AHDC1: variants seen among roughly 807,000 people sequenced by gnomAD.
AHDC1 encodes the protein transcription factor Gibbin.
AHDC1 carries 7 observed loss-of-function variants against 87.9 expected under a neutral mutation model. The ratio of observed to expected loss-of-function variants is 0.08; its 90% CI spans 0.05 to 0.15. AHDC1 has a LOEUF of 0.15. Among genes scored for constraint, AHDC1 ranks in the 10% least tolerant of loss-of-function variants. The pLI, the probability that AHDC1 is intolerant of heterozygous loss-of-function variation, is 1.00. For missense variants in AHDC1, 1,841 were observed against 2,253.2 expected (o/e 0.82, Z 3.70); for synonymous variants, 1,051 against 1,006.8 (o/e 1.04, Z -0.83).
chr1:27,603,055 G>A (rs1390448363), intron 3 of AHDC1, among the ~76,000 whole-genome samples: 3 of 149,616 alleles, frequency 2.0e-5, no homozygotes, highest in Non-Finnish European at 4.4e-5. Flanking sequence ...GCGGAGGGAG[G>A]GGGAAGGAGG....
chr1:27,584,405 T>A (rs1446315886), intron 3 of AHDC1, among the ~76,000 whole-genome samples: 2 of 152,244 alleles, frequency 1.3e-5, no homozygotes, highest in African/African-American at 4.8e-5. Context: ...AATGCCATTA[T>A]TATTTCCCCT....
Position 27,551,262 on chromosome 1 carries a change from G to A in AHDC1, c.854C>T (p.Pro285Leu), listed in dbSNP as rs748182642. The A allele has an allele frequency of 3.7e-6, 6 of 1,609,986 alleles. No homozygotes were observed. Among genetic ancestry groups the A allele is most frequent in the South Asian group, 1.1e-5 (1 of 91,060 alleles). Residue 285 changes from proline (P) to leucine (L), a missense_variant, in exon 8 of 9, where the codon CCG becomes CTG. Pro to Leu is a moderately conservative substitution (Grantham distance 98). Around this residue, in one of 13 missense-constraint regions of AHDC1, gnomAD observed 370 missense variants for 391.5 expected, o/e 0.95. Coordinates refer to ENST00000673934, the MANE Select transcript of AHDC1 (RefSeq NM_001371928.1). The stretch of plus-strand genomic sequence containing the variant: ...TTCCCCGAGCGGCTCTAGTGCCTGC[G>A]GGTCCAGGAAGCGGGGCTGGGGGTC... ...LLDPQPRFLD[P>L]QALEPLGEAL...
chr1:27,548,556 C>T lies in AHDC1; in HGVS notation c.3560G>A (p.Ser1187Asn), dbSNP rs1217023651. 1 of 1,613,492 alleles carries T rather than the reference C, an allele frequency of 6.2e-7. No homozygotes were observed. The highest frequency in any genetic ancestry group is 8.5e-7 in the Non-Finnish European group (1 of 1,180,024). ...VGGGGFRRANSEASSSEGQSS... is the reference protein window; with the variant it reads ...VGGGGFRRANNEASSSEGQSS... ...CTGGCCCTCACTACTTGAGGCCTCGCTGTTGGCACGCCGAAACCCCCCGCC... is the reference window on the plus strand; with the variant it reads ...CTGGCCCTCACTACTTGAGGCCTCGTTGTTGGCACGCCGAAACCCCCCGCC... The change falls in exon 8 of 9, where the codon AGC becomes AAC. Residue 1187 changes from serine (S) to asparagine (N), a missense_variant. Coordinates refer to ENST00000673934, the MANE Select transcript of AHDC1 (RefSeq NM_001371928.1).
rs2020181371 is a variant in AHDC1 at position 27,563,295 on chromosome 1, GAC to G, written c.-628-4414_-628-4413del. Among the ~76,000 whole-genome samples the G allele has an allele frequency of 1.4e-5, 2 of 148,016 alleles. No individual in the cohort carries two copies. Among genetic ancestry groups the G allele is most frequent in the African/African-American group, 5.0e-5 (2 of 39,878 alleles). On this transcript the variant is annotated intron_variant, in intron 3 of 8. Coordinates refer to ENST00000673934, the MANE Select transcript of AHDC1 (RefSeq NM_001371928.1). The surrounding 1 kb of genome is among the most constrained non-coding windows in gnomAD (Gnocchi z 6.1). ...AAGAACCTGTCACATAGTTGACCAA[GAC>G]ACACACACATGCACACACACACAGA...
chr1:27,559,232 T>C (rs1428804443), intron 3 of AHDC1, among the ~76,000 whole-genome samples: 1 of 151,684 alleles, frequency 6.6e-6, no homozygotes, highest in South Asian at 2.1e-4. Context: ...TTTTTTAAAT[T>C]TTTTGTAGGG....
intron 3 of AHDC1, among the ~76,000 whole-genome samples, chr1:27,577,531 G>T (rs1184479060): frequency 6.6e-6 from 1 of 152,140 alleles, no homozygotes; most frequent in African/African-American, 2.4e-5. Flanking sequence ...GGGGTGAGGG[G>T]AGATGGCATA....
At chr1:27,564,017 G>A (rs2020213660) in intron 3 of AHDC1, among the ~76,000 whole-genome samples, 1 of 152,176 alleles carries the variant, frequency 6.6e-6, no homozygotes, top group Non-Finnish European at 1.5e-5. Flanking sequence ...GTGCTCAGTG[G>A]GAAGAGTATG....
chr1:27,549,830 C>T lies in AHDC1; in HGVS notation c.2286G>A (p.Gly762=), dbSNP rs369232862. The T allele has an allele frequency of 1.2e-6, 2 of 1,613,500 alleles. No homozygotes were observed. The highest frequency in any genetic ancestry group is 1.1e-5 in the South Asian group (1 of 91,076). Residue 762 remains glycine, a synonymous_variant, in exon 8 of 9, where the codon GGG becomes GGA. Transcript: ENST00000673934. ...PEQVPSGPGF[G]EAGAEWAGDK... ...CCCCGGCCCACTCAGCACCTGCCTCCCCAAAGCCTGGGCCACTGGGCACCT... is the reference window on the plus strand; with the variant it reads ...CCCCGGCCCACTCAGCACCTGCCTCTCCAAAGCCTGGGCCACTGGGCACCT...
chr1:27,575,551 G>A (rs556540958), intron 3 of AHDC1, among the ~76,000 whole-genome samples: 1 of 151,298 alleles, frequency 6.6e-6, no homozygotes, highest in African/African-American at 2.4e-5. Context: ...TCGCTCCCCC[G>A]GCCGGCCGCG....
chr1:27,550,580 G>A lies in AHDC1; in HGVS notation c.1536C>T (p.Arg512=), dbSNP rs370692975. ...GCAGCGGGGTGGGCTCAGCCGACAC[G>A]CGCAGGCCCAGCTCCTTGCCCTCCA... ...LSVEGKELGL[R]VSAEPTPLLK... The change falls in exon 8 of 9, where the codon CGC becomes CGT. Residue 512 remains arginine (R), a synonymous_variant. Transcript: ENST00000673934. 6.6e-5 allele frequency: 107 copies of A among 1,613,756 alleles called. No individual in the cohort carries two copies. The African/African-American group carries it at 8.8e-4, about 13-fold the overall frequency.
intron 3 of AHDC1, among the ~76,000 whole-genome samples, chr1:27,596,602 C>T (rs1211977171): frequency 6.6e-6 from 1 of 152,184 alleles, no homozygotes; most frequent in East Asian, 1.9e-4. Context: ...GGCTCCCAGC[C>T]TCACACCTGA....
In AHDC1 at chr1:27,549,013, C is replaced by T. The variant is rs769230679; in HGVS notation, c.3103G>A (p.Ala1035Thr). The change falls in exon 8 of 9, where the codon GCC becomes ACC. Residue 1035 changes from alanine (A) to threonine (T), a missense_variant. Ala to Thr is a moderately conservative substitution (Grantham distance 58). Around this residue, in one of 13 missense-constraint regions of AHDC1, gnomAD observed 378 missense variants for 399.0 expected, o/e 0.95. Transcript: ENST00000673934. ...TGGPCLPPSK[A>T]SFFSSSEGAP... is the part of the protein sequence containing the mutation. ...CCCTCAGAGCTGCTGAAGAAGGAGG[C>T]CTTGCTTGGTGGCAGGCAGGGGCCC... The T allele has an allele frequency of 7.6e-6, 12 of 1,574,580 alleles. No individual in the cohort carries two copies. The Admixed American group carries it at 2.2e-4, about 28-fold the overall frequency.
chr1:27,539,875 C>T (rs2018827147), intron 8 of AHDC1, among the ~76,000 whole-genome samples: 1 of 152,178 alleles, frequency 6.6e-6, no homozygotes, highest in African/African-American at 2.4e-5. Context: ...ATGGGGTTCC[C>T]CAGCCTTGTG....
At position 27,544,891 on chromosome 1, in the gene AHDC1, T is replaced by C. The variant is rs182574240; in HGVS notation, c.*43+2370A>G. 1.3e-4 allele frequency among the ~76,000 whole-genome samples: 20 copies of C among 152,332 alleles called. No homozygotes were observed. The East Asian group carries it at 3.9e-3, about 29-fold the overall frequency. Reference sequence around the variant, plus strand: ...GGGAACTCTTCAGTGGATCCCCACGTGTCTGGGAATGAAATTCAGACTCCT... The same window carrying C: ...GGGAACTCTTCAGTGGATCCCCACGCGTCTGGGAATGAAATTCAGACTCCT... On this transcript the variant is annotated intron_variant, in intron 8 of 8. Transcript: ENST00000673934.
At chr1:27,601,856 G>A (rs529180571) in intron 3 of AHDC1, among the ~76,000 whole-genome samples, 6 of 152,226 alleles carry the variant, frequency 3.9e-5, no homozygotes, top group East Asian at 3.9e-4. Flanking sequence ...ACATGCCCCC[G>A]CCCAGCCGGC....
chr1:27,550,847 C>T lies in AHDC1; in HGVS notation c.1269G>A (p.Val423=). The T allele has an allele frequency of 6.4e-7, 1 of 1,571,576 alleles. No homozygotes were observed. Residue 423 remains valine, a synonymous_variant, in exon 8 of 9, where the codon GTG becomes GTA. Coordinates refer to ENST00000673934, the MANE Select transcript of AHDC1 (RefSeq NM_001371928.1). ...GTGGTGGGGGTTCGGCCAGGGCAGCCACCAGCCCCGTGGGCATAGGCAGGG... is the reference window on the plus strand; with the variant it reads ...GTGGTGGGGGTTCGGCCAGGGCAGCTACCAGCCCCGTGGGCATAGGCAGGG... The part of the protein sequence containing the change: ...LLPLPMPTGL[V]AALAEPPPPP...
At chr1:27,543,365 A>T (rs2148229367) in intron 8 of AHDC1, among the ~76,000 whole-genome samples, 1 of 152,346 alleles carries the variant, frequency 6.6e-6, no homozygotes, top group Middle Eastern at 3.4e-3. Context: ...AGATGTCTGC[A>T]CAGGGCCAAG....
At chr1:27,536,709 G>A (rs1025582430) in intron 8 of AHDC1, among the ~76,000 whole-genome samples, 9 of 152,114 alleles carry the variant, frequency 5.9e-5, no homozygotes, top group African/African-American at 2.2e-4. Flanking sequence ...AAGAACCTCT[G>A]TTGGGGTGTT....
intron 3 of AHDC1, among the ~76,000 whole-genome samples, chr1:27,578,555 C>T (rs1403616436): frequency 6.6e-6 from 1 of 151,272 alleles, no homozygotes; most frequent in Non-Finnish European, 1.5e-5. Flanking sequence ...TGCCACTGCA[C>T]TCCAGTGAGG....
Sources: gnomAD v4.1 joint callset for allele counts (sites outside exome capture counted in the v4.1 genomes callset) on GRCh38, gnomAD v4.1.1 for gene constraint, gnomAD v4.1.1 regional missense constraint, Gnocchi (gnomAD v3.1) non-coding constraint, MANE v1.5 for transcripts, NCBI Gene and HGNC (gene_info 2026-07-23, HGNC 2026-07-21) for gene names.